PDE1A: variants seen among roughly 807,000 people sequenced by gnomAD.
The protein encoded by PDE1A is dual specificity calcium/calmodulin-dependent 3',5'-cyclic nucleotide phosphodiesterase 1A.
In PDE1A, 35 loss-of-function variants were observed where a neutral mutation model predicts 61.7. That is an observed-to-expected ratio of 0.57 (90% CI 0.43 to 0.75). The LOEUF (loss-of-function observed/expected upper bound fraction) is 0.75. Among genes scored for constraint, PDE1A ranks in the 30% least tolerant of loss-of-function variants. The pLI is 0.00. For synonymous variants in PDE1A, 232 were observed against 213.2 expected, an observed-to-expected ratio of 1.09 and a Z score of -0.77; for missense variants, 597 against 630.6, an observed-to-expected ratio of 0.95 and a Z score of 0.57.
chr2:182,647,950 T>A, the PDE1A span, among the ~76,000 whole-genome samples: 5 of 152,044 alleles, frequency 3.3e-5, no homozygotes, highest in East Asian at 9.7e-4. Flanking sequence ...GGAAGTGAGG[T>A]GAGTATCGGC....
downstream of PDE1A, among the ~76,000 whole-genome samples, chr2:182,164,519 T>C (rs376562216): frequency 2.6e-5 from 4 of 152,270 alleles, no homozygotes; most frequent in East Asian, 7.7e-4. Flanking sequence ...AGGGTGTTAA[T>C]AATCAAGTGA....
chr2:182,540,170 C>A, the PDE1A span, among the ~76,000 whole-genome samples: 2 of 151,914 alleles, frequency 1.3e-5, no homozygotes, highest in Admixed American at 1.3e-4. Flanking sequence ...TCGAACCCAG[C>A]CTGGCCAACA....
intron 2 of PDE1A, among the ~76,000 whole-genome samples, chr2:182,251,403 T>TC (rs1691390281): frequency 1.5e-5 from 1 of 68,826 alleles, no homozygotes; most frequent in South Asian, 5.3e-4. Context: ...TCTCTGTTTC[T>TC]CTTTTTTTGT....
intron 1 of PDE1A, 68 bp downstream of exon 1, chr2:182,426,510 T>C: frequency 8.8e-7 from 1 of 1,131,448 alleles, no homozygotes; most frequent in Non-Finnish European, 1.3e-6. Context: ...AATCCCCAAA[T>C]TAAGGATGAA....
chr2:182,529,484 C>G, the PDE1A span, among the ~76,000 whole-genome samples: 1 of 152,216 alleles, frequency 6.6e-6, no homozygotes, highest in Non-Finnish European at 1.5e-5. Context: ...CTTGCCTTGT[C>G]TCAGATGAGA....
In PDE1A at chr2:182,470,357, A is replaced by G. The variant is rs1418450973; in HGVS notation, c.101+51919T>C. On this transcript the variant is annotated intron_variant, in intron 2 of 14. Coordinates refer to the PDE1A transcript ENST00000410103. ...AAAAACTACAGCTAACATCAAACTC[A>G]ATGGTGTTAATCTCAATGCTTTCTA... Among the ~76,000 whole-genome samples, 8 of 151,880 alleles carry G rather than the reference A, an allele frequency of 5.3e-5. No individual in the cohort carries two copies. The East Asian group carries it at 1.2e-3, about 22-fold the overall frequency.
chr2:182,473,013 C>T (rs1190590968), intron 2 of PDE1A, among the ~76,000 whole-genome samples: 1 of 150,824 alleles, frequency 6.6e-6, no homozygotes, highest in East Asian at 2.0e-4. Flanking sequence ...GCACAATGTG[C>T]AAGTTAGTTA....
At chr2:182,580,236 T>A in the PDE1A span, among the ~76,000 whole-genome samples, 1 of 152,190 alleles carries the variant, frequency 6.6e-6, no homozygotes, top group South Asian at 2.1e-4. Context: ...AATAGTTTGC[T>A]GGGAGTACCA....
chr2:182,404,046 ATTT>A (rs35122269), intron 1 of PDE1A, among the ~76,000 whole-genome samples: 3 of 151,818 alleles, frequency 2.0e-5, no homozygotes, highest in African/African-American at 7.2e-5. Context: ...ATAGGAACAA[ATTT>A]TTTTTTTAAA....
intron 2 of PDE1A, among the ~76,000 whole-genome samples, chr2:182,252,795 G>A (rs1691498824): frequency 6.6e-6 from 1 of 152,280 alleles, no homozygotes; most frequent in Non-Finnish European, 1.5e-5. Context: ...ACTAATGTGT[G>A]TCTACACAGA....
At chr2:182,306,680 A>G (rs1330679939) in intron 1 of PDE1A, among the ~76,000 whole-genome samples, 1 of 152,204 alleles carries the variant, frequency 6.6e-6, no homozygotes, top group Non-Finnish European at 1.5e-5. Flanking sequence ...CAGTCAATTG[A>G]TTTTTGATGA....
intron 2 of PDE1A, among the ~76,000 whole-genome samples, chr2:182,490,221 A>T (rs1156381125): frequency 2.0e-5 from 3 of 152,222 alleles, no homozygotes; most frequent in Non-Finnish European, 4.4e-5. Context: ...AGAAAGGGAG[A>T]TATAAAAAAA....
intron 2 of PDE1A, among the ~76,000 whole-genome samples, chr2:182,466,698 T>C (rs1367416828): frequency 6.6e-6 from 1 of 151,984 alleles, no homozygotes; most frequent in African/African-American, 2.4e-5. Context: ...GGGGTGTTAC[T>C]CGTATTCATC....
At chr2:182,168,383 A>G (rs1691802055) in intron 13 of PDE1A, 2 of 1,148,444 alleles carry the variant, frequency 1.7e-6, no homozygotes, top group South Asian at 1.6e-5. Flanking sequence ...ATAATCAGCC[A>G]TGATTGTAAA....
At chr2:182,271,474 T>A (rs947544347) in intron 1 of PDE1A, among the ~76,000 whole-genome samples, 4 of 152,116 alleles carry the variant, frequency 2.6e-5, no homozygotes, top group Non-Finnish European at 5.9e-5. Flanking sequence ...AGGTAAACTA[T>A]TTCTTTACTT....
the PDE1A span, among the ~76,000 whole-genome samples, chr2:182,529,649 G>A: frequency 6.6e-6 from 1 of 152,178 alleles, no homozygotes; most frequent in Non-Finnish European, 1.5e-5. Flanking sequence ...ATCTCATTTT[G>A]AATTGTAGCT....
the PDE1A span, among the ~76,000 whole-genome samples, chr2:182,593,029 T>G: frequency 6.6e-6 from 1 of 151,058 alleles, no homozygotes; most frequent in Non-Finnish European, 1.5e-5. Flanking sequence ...AGGAATAAAT[T>G]CTACCCAATA....
At chr2:182,563,251 T>C in the PDE1A span, among the ~76,000 whole-genome samples, 1 of 152,212 alleles carries the variant, frequency 6.6e-6, no homozygotes, top group Non-Finnish European at 1.5e-5. Flanking sequence ...GTCTGGTATG[T>C]TGTACCTTTG....
the PDE1A span, among the ~76,000 whole-genome samples, chr2:182,714,504 G>A: frequency 6.6e-6 from 1 of 152,110 alleles, no homozygotes; most frequent in African/African-American, 2.4e-5. Flanking sequence ...TCAGCCATAA[G>A]AAGTCAGAAG....
Sources: gnomAD v4.1 joint callset for allele counts (sites outside exome capture counted in the v4.1 genomes callset) on GRCh38, gnomAD v4.1.1 for gene constraint, MANE v1.5 for transcripts, NCBI Gene and HGNC (gene_info 2026-07-23, HGNC 2026-07-21) for gene names.